Variants in MYH10 observed in about 807,000 individuals in gnomAD.
MYH10 encodes the protein myosin heavy chain 10.
In MYH10, 55 loss-of-function variants were observed where a neutral mutation model predicts 257.8. The ratio of observed to expected loss-of-function variants is 0.21; its 90% CI spans 0.17 to 0.27. The LOEUF is 0.27. Ranked by LOEUF, MYH10 falls within the 10% of genes least tolerant of loss-of-function variation. The pLI, the probability that MYH10 is intolerant of heterozygous loss-of-function variation, is 1.00. For synonymous variants in MYH10, 854 were observed against 921.7 expected (o/e 0.93, Z 1.33); for missense variants, 1,631 against 2,500.6 (o/e 0.65, Z 7.42).
chr17:8,508,015 T>A (rs1377401599), intron 26 of MYH10, among the ~76,000 whole-genome samples: 1 of 152,102 alleles, frequency 6.6e-6, no homozygotes, highest in Non-Finnish European at 1.5e-5. Flanking sequence ...TTATCATCAT[T>A]TCAAGGCAAC....
intron 21 of MYH10, among the ~76,000 whole-genome samples, chr17:8,515,726 TAG>T (rs1315413583): frequency 1.3e-5 from 2 of 151,706 alleles, no homozygotes; most frequent in Non-Finnish European, 2.9e-5. Context: ...GTATTTTTAG[TAG>T]AGACAGGGTT....
intron 17 of MYH10, among the ~76,000 whole-genome samples, chr17:8,525,783 A>C (rs1313032252): frequency 2.0e-5 from 3 of 152,158 alleles, no homozygotes; most frequent in Non-Finnish European, 4.4e-5. Flanking sequence ...AATGCTTTAG[A>C]CTTTCAGTTC....
chr17:8,475,988 C>T (rs752035758), intron 42 of MYH10, 40 bp from the exon 43 acceptor site: 25 of 1,591,982 alleles, frequency 1.6e-5, no homozygotes, highest in Non-Finnish European at 2.1e-5. Flanking sequence ...GGTAAACAGA[C>T]AGGAGCACAT....
At chr17:8,616,494 T>C (rs1013122962) in intron 2 of MYH10, among the ~76,000 whole-genome samples, 2 of 152,058 alleles carry the variant, frequency 1.3e-5, no homozygotes, top group Admixed American at 6.5e-5. Flanking sequence ...ATATTATCTA[T>C]ATACCATATG....
intron 37 of MYH10, among the ~76,000 whole-genome samples, chr17:8,482,967 CCACGGAACACTT>C (rs1360232874): frequency 6.6e-6 from 1 of 152,106 alleles, no homozygotes; most frequent in Non-Finnish European, 1.5e-5. Flanking sequence ...TTTTAAGTAC[CCACGGAACACTT>C]ATAAAAACTA....
rs762847560 is a variant in MYH10, at chr17:8,487,578, G to T, written c.4901C>A (p.Ala1634Glu). Reference protein sequence around the residue: ...LLIKQVRELEAELEDERKQRA... With the variant: ...LLIKQVRELEEELEDERKQRA... ...CTGTTTCCTCTCATCCTCCAGCTCCGCCTCGAGCTCCCGCACCTAATGGAC... is the reference window on the plus strand; with the variant it reads ...CTGTTTCCTCTCATCCTCCAGCTCCTCCTCGAGCTCCCGCACCTAATGGAC... The change falls in exon 36 of 43, where the codon GCG becomes GAG. Residue 1634 changes from alanine (A) to glutamate (E), a missense_variant. By Grantham distance (107) the Ala-to-Glu change is moderately radical (BLOSUM62 -1). Coordinates refer to ENST00000360416, the MANE Select transcript of MYH10 (RefSeq NM_001256012.3). The T allele has an allele frequency of 6.2e-7, 1 of 1,613,986 alleles. No individual in the cohort carries two copies. The highest frequency in any genetic ancestry group is 1.3e-5 in the African/African-American group (1 of 74,886).
At chr17:8,603,469 C>G (rs2084685353) in intron 3 of MYH10, among the ~76,000 whole-genome samples, 1 of 152,108 alleles carries the variant, frequency 6.6e-6, no homozygotes, top group African/African-American at 2.4e-5. Flanking sequence ...TCTGGAAACT[C>G]CCCTTCTATA....
chr17:8,530,217 A>C (rs1193114003), intron 17 of MYH10, among the ~76,000 whole-genome samples: 3 of 152,226 alleles, frequency 2.0e-5, no homozygotes, highest in Non-Finnish European at 4.4e-5. Flanking sequence ...TCAGAGTTGA[A>C]AATTTAAAGG....
At chr17:8,586,289 G>C (rs186491062) in intron 4 of MYH10, among the ~76,000 whole-genome samples, 1 of 152,256 alleles carries the variant, frequency 6.6e-6, no homozygotes, top group African/African-American at 2.4e-5. Flanking sequence ...GTGTAAATAA[G>C]TCTTATCTTT....
chr17:8,480,954 T>TAATTAAGTGGAGAAA, intron 38 of MYH10, among the ~76,000 whole-genome samples: 1 of 1,610 alleles, frequency 6.2e-4, no homozygotes, highest in Non-Finnish European at 2.3e-3. Context: ...GGACGTTCAG[T>TAATTAAGTGGAGAAA]TCAGTAATGA....
intron 21 of MYH10, among the ~76,000 whole-genome samples, chr17:8,516,099 T>C (rs914022501): frequency 1.3e-5 from 2 of 152,240 alleles, no homozygotes; most frequent in African/African-American, 2.4e-5. Context: ...GCTGGTTTCC[T>C]TCTCCGCAGT....
chr17:8,528,965 C>G (rs1289283611), intron 17 of MYH10, among the ~76,000 whole-genome samples: 4 of 152,166 alleles, frequency 2.6e-5, no homozygotes, highest in African/African-American at 7.2e-5. Context: ...GGACACCTCA[C>G]AGAGAGAGAC....
At chr17:8,534,029 CA>C (rs2082075394) in intron 16 of MYH10, among the ~76,000 whole-genome samples, 1 of 152,190 alleles carries the variant, frequency 6.6e-6, no homozygotes, top group Admixed American at 6.5e-5. Flanking sequence ...CCCGTAACAA[CA>C]ACCTGAGCTC....
intron 3 of MYH10, among the ~76,000 whole-genome samples, chr17:8,603,396 G>T (rs1471656232): frequency 6.6e-6 from 1 of 152,116 alleles, no homozygotes; most frequent in African/African-American, 2.4e-5. Context: ...TAAGCTCAAG[G>T]ATTGGTTTAA....
chr17:8,525,306 C>T (rs2081805326), intron 17 of MYH10, among the ~76,000 whole-genome samples: 2 of 152,234 alleles, frequency 1.3e-5, no homozygotes, highest in South Asian at 4.1e-4. Flanking sequence ...GACAGAACTT[C>T]CACACTGTTT....
chr17:8,535,802 A>G lies in MYH10; in HGVS notation c.1735T>C (p.Leu579=), dbSNP rs2082125517. The change falls in exon 15 of 43, where the codon TTA becomes CTA. Residue 579 remains leucine, a synonymous_variant. Coordinates refer to ENST00000360416, the MANE Select transcript of MYH10 (RefSeq NM_001256012.3). This position sits in a 1 kb window ranked among gnomAD's most constrained non-coding sequence, Gnocchi z 4.3. ...SHSKFQKPRQ[L]KDKADFCIIH... is the part of the protein sequence containing the mutation. ...ATGCAAAAATCAGCTTTGTCTTTTAATTGTCGAGGTTTCTGAAACTTGGAG... is the reference window on the plus strand; with the variant it reads ...ATGCAAAAATCAGCTTTGTCTTTTAGTTGTCGAGGTTTCTGAAACTTGGAG... 2 of 1,614,070 alleles carry G rather than the reference A, an allele frequency of 1.2e-6. No individual in the cohort carries two copies. Among genetic ancestry groups the G allele is most frequent in the African/African-American group, 1.3e-5 (1 of 74,938 alleles).
chr17:8,614,412 C>T (rs897154976), intron 2 of MYH10, among the ~76,000 whole-genome samples: 2 of 147,388 alleles, frequency 1.4e-5, no homozygotes, highest in African/African-American at 2.5e-5. Context: ...TCTGCCTTCC[C>T]GGTTCAGGCT....
At chr17:8,479,160 A>G (rs543391953) in intron 40 of MYH10, among the ~76,000 whole-genome samples, 40 of 152,302 alleles carry the variant, frequency 2.6e-4, no homozygotes, top group South Asian at 2.1e-3. Context: ...AACCCAATTT[A>G]TTAAGTGATT....
chr17:8,570,712 C>A (rs899443877), intron 6 of MYH10, among the ~76,000 whole-genome samples: 1 of 152,072 alleles, frequency 6.6e-6, no homozygotes, highest in African/African-American at 2.4e-5. Context: ...CTAGGAAATG[C>A]GATACTCTAA....
Sources: allele counts gnomAD v4.1 joint callset (sites outside exome capture counted in the v4.1 genomes callset), GRCh38; gene constraint gnomAD v4.1.1; non-coding constraint Gnocchi (gnomAD v3.1); transcripts MANE v1.5; gene names NCBI Gene and HGNC (gene_info 2026-07-23, HGNC 2026-07-21).